PLEKHM3: variants seen among roughly 807,000 people sequenced by gnomAD.
PLEKHM3 encodes the protein pleckstrin homology domain-containing family M member 3.
A neutral mutation model predicts 81.8 loss-of-function variants in PLEKHM3; 45 were observed. The ratio of observed to expected loss-of-function variants is 0.55; its 90% CI spans 0.43 to 0.71. The LOEUF (loss-of-function observed/expected upper bound fraction) is 0.71. Ranked by LOEUF, PLEKHM3 falls within the 30% of genes least tolerant of loss-of-function variation. The pLI, the probability that PLEKHM3 is intolerant of heterozygous loss-of-function variation, is 0.00. For missense variants in PLEKHM3, 788 were observed against 924.3 expected (o/e 0.85, Z 1.91); for synonymous variants, 352 against 356.4 (o/e 0.99, Z 0.14).
intron 6 of PLEKHM3, among the ~76,000 whole-genome samples, chr2:207,865,312 G>A (rs1161823904): frequency 6.6e-6 from 1 of 152,038 alleles, no homozygotes; most frequent in Non-Finnish European, 1.5e-5. Flanking sequence ...CATACCATGT[G>A]ATTCACCTAT....
chr2:207,821,390 T>C lies in PLEKHM3; in HGVS notation c.*6929A>G, dbSNP rs2092216354. On this transcript the variant is annotated 3_prime_UTR_variant, in exon 8 of 8. Coordinates refer to ENST00000427836, the MANE Select transcript of PLEKHM3 (RefSeq NM_001080475.3). ...CAGATGACCTTAAAAACTAGAGGTA[T>C]TGTCAACAATACAACTTCAATTTTA... The C allele has an allele frequency of 6.6e-6, 1 of 152,138 alleles. No homozygotes were observed. The allele number at this position is 152,138 out of a possible 1,614,324, so 9.4% of individuals were successfully genotyped here.
At chr2:207,951,703 G>T (rs114762211) in intron 3 of PLEKHM3, among the ~76,000 whole-genome samples, 2,162 of 152,272 alleles carry the variant, frequency 0.014, 24 homozygotes, top group Middle Eastern at 0.037. Context: ...ACACCCAAAA[G>T]AATCTGTTGC....
intron 2 of PLEKHM3, among the ~76,000 whole-genome samples, chr2:207,980,985 G>A (rs758524374): frequency 2.6e-5 from 4 of 151,814 alleles, no homozygotes; most frequent in Non-Finnish European, 4.4e-5. Context: ...AAAATTAGTC[G>A]GGTGTGGTGG....
chr2:207,913,604 G>C (rs1688881951), intron 5 of PLEKHM3, among the ~76,000 whole-genome samples: 1 of 152,268 alleles, frequency 6.6e-6, no homozygotes, highest in South Asian at 2.1e-4. Flanking sequence ...GGTTTCAGGG[G>C]AGGAGGAGGA....
At chr2:207,884,085 G>C (rs950596171) in intron 6 of PLEKHM3, among the ~76,000 whole-genome samples, 20 of 152,098 alleles carry the variant, frequency 1.3e-4, no homozygotes, top group African/African-American at 4.8e-4. Flanking sequence ...GACTGCTTGA[G>C]CTCAGGAGTT....
Position 207,906,920 on chromosome 2 carries a change from A to C in PLEKHM3, c.1950+1594T>G, listed in dbSNP as rs565803600. ...TTAAAGTCAGAAAAATGACTGAAGG[A>C]TATGAGCATGGTTTTTAAGTTGACC... On this transcript the variant is annotated intron_variant, in intron 6 of 7. Coordinates refer to ENST00000427836, the MANE Select transcript of PLEKHM3 (RefSeq NM_001080475.3). 2.0e-5 allele frequency among the ~76,000 whole-genome samples: 3 copies of C among 152,388 alleles called. No homozygotes were observed. The East Asian group carries it at 5.8e-4, about 29-fold the overall frequency.
chr2:207,955,676 G>A (rs1242218226), intron 3 of PLEKHM3, among the ~76,000 whole-genome samples: 1 of 152,200 alleles, frequency 6.6e-6, no homozygotes, highest in African/African-American at 2.4e-5. Flanking sequence ...CTGCTTAAAA[G>A]GCAGAGCCTA....
At chr2:207,892,113 C>T (rs963871614) in intron 6 of PLEKHM3, among the ~76,000 whole-genome samples, 1 of 152,146 alleles carries the variant, frequency 6.6e-6, no homozygotes, top group African/African-American at 2.4e-5. Flanking sequence ...AGAGGACTGT[C>T]AGCACACTCC....
At chr2:207,980,595 G>A (rs1691486587) in intron 2 of PLEKHM3, among the ~76,000 whole-genome samples, 1 of 151,874 alleles carries the variant, frequency 6.6e-6, no homozygotes, top group South Asian at 2.1e-4. Context: ...TTGAAACAAG[G>A]TTTTACTCTG....
intron 1 of PLEKHM3, among the ~76,000 whole-genome samples, chr2:208,016,023 G>A (rs1692900462): frequency 6.6e-6 from 1 of 151,996 alleles, no homozygotes. Flanking sequence ...GAGAAACCCT[G>A]TCTCTATTAA....
At chr2:208,013,448 G>A (rs1310992484) in intron 1 of PLEKHM3, among the ~76,000 whole-genome samples, 1 of 151,178 alleles carries the variant, frequency 6.6e-6, no homozygotes, top group African/African-American at 2.4e-5. Flanking sequence ...CCCAGGAGGC[G>A]GAGGTTGTGG....
intron 3 of PLEKHM3, among the ~76,000 whole-genome samples, chr2:207,948,973 G>A (rs1490745519): frequency 1.5e-5 from 2 of 136,640 alleles, no homozygotes; most frequent in African/African-American, 2.7e-5. Context: ...CACCATGCCC[G>A]GTCCAGATCT....
chr2:207,842,671 G>A (rs2092361093), intron 7 of PLEKHM3, among the ~76,000 whole-genome samples: 1 of 152,138 alleles, frequency 6.6e-6, no homozygotes, highest in African/African-American at 2.4e-5. Flanking sequence ...TGGAACTTCT[G>A]TTTCCATTCT....
intron 6 of PLEKHM3, among the ~76,000 whole-genome samples, chr2:207,862,899 A>T (rs2092474954): frequency 6.6e-6 from 1 of 152,226 alleles, no homozygotes; most frequent in South Asian, 2.1e-4. Context: ...TTCAATTGCC[A>T]GACAGGGTAC....
In PLEKHM3 at chr2:207,822,330, AT is replaced by A. The variant is rs961895186; in HGVS notation, c.*5988del. 44 of 152,780 alleles carry A rather than the reference AT, an allele frequency of 2.9e-4. No individual in the cohort carries two copies. The highest frequency in any genetic ancestry group is 1.0e-3 in the African/African-American group (42 of 41,566). 9.5% of individuals were successfully genotyped at this position (152,780 alleles called of 1,614,324 possible). The stretch of plus-strand genomic sequence containing the variant: ...CCTTTGAAAGGTGAAAGATAAGAAA[AT>A]CCTTGTGTTTGTGTAATTTTGAACC... On this transcript the variant is annotated 3_prime_UTR_variant, in exon 8 of 8. Coordinates refer to ENST00000427836, the MANE Select transcript of PLEKHM3 (RefSeq NM_001080475.3).
At chr2:207,918,544 A>C (rs528123200) in intron 5 of PLEKHM3, among the ~76,000 whole-genome samples, 185 of 140,392 alleles carry the variant, frequency 1.3e-3, no homozygotes, top group African/African-American at 5.7e-3. Context: ...AACAAACAAA[A>C]AACAAACAAA....
At chr2:207,855,027 C>A (rs2092430557) in intron 7 of PLEKHM3, among the ~76,000 whole-genome samples, 1 of 152,158 alleles carries the variant, frequency 6.6e-6, no homozygotes, top group Non-Finnish European at 1.5e-5. Context: ...AGGCACAAGT[C>A]CAGGAACGGA....
At chr2:207,910,646 C>T (rs1019424568) in intron 5 of PLEKHM3, among the ~76,000 whole-genome samples, 1 of 152,102 alleles carries the variant, frequency 6.6e-6, no homozygotes. Flanking sequence ...TTGAGCTGAT[C>T]ATCTAATTTA....
At chr2:207,937,789 T>C (rs1689804439) in intron 4 of PLEKHM3, among the ~76,000 whole-genome samples, 1 of 152,216 alleles carries the variant, frequency 6.6e-6, no homozygotes, top group Non-Finnish European at 1.5e-5. Context: ...TTCCTGTGTT[T>C]ATTCCCATCT....
Sources: allele counts gnomAD v4.1 joint callset (sites outside exome capture counted in the v4.1 genomes callset), GRCh38; gene constraint gnomAD v4.1.1; transcripts MANE v1.5; gene names NCBI Gene and HGNC (gene_info 2026-07-23, HGNC 2026-07-21).